CSMD1: variants seen among roughly 807,000 people sequenced by gnomAD.
CSMD1 encodes CUB and Sushi multiple domains 1, also known as CUB and sushi domain-containing protein 1.
A neutral mutation model predicts 417.5 loss-of-function variants in CSMD1; 213 were observed. The observed-to-expected ratio is 0.51, with a 90% CI of 0.46 to 0.57. The LOEUF (loss-of-function observed/expected upper bound fraction) is 0.57, where lower values mean the gene tolerates loss of function less well. CSMD1 is among the 20% of genes least tolerant of loss of function. CSMD1 has a pLI of 0.00. For synonymous variants in CSMD1, 2,862 were observed against 1,736.8 expected (o/e 1.65, Z -16.11); for missense variants, 6,923 against 4,529.7 (o/e 1.53, Z -15.17).
At chr8:4,883,577 C>A (rs546331525) in intron 1 of CSMD1, among the ~76,000 whole-genome samples, 64 of 152,158 alleles carry the variant, frequency 4.2e-4, no homozygotes, top group Middle Eastern at 3.4e-3. Context: ...ATAATAGAAT[C>A]ACATAATATT....
intron 2 of CSMD1, among the ~76,000 whole-genome samples, chr8:4,425,379 CAAAAA>C (rs3056571): frequency 1.6e-5 from 2 of 128,816 alleles, no homozygotes; most frequent in African/African-American, 2.8e-5. Flanking sequence ...ATTTGTGTGC[CAAAAA>C]AAAAAAAAAA....
At chr8:3,035,039 G>C (rs758316352) in intron 50 of CSMD1, among the ~76,000 whole-genome samples, 4 of 152,136 alleles carry the variant, frequency 2.6e-5, no homozygotes, top group Admixed American at 2.6e-4. Flanking sequence ...CCTCCCCTAA[G>C]ACTTAAGACA....
intron 26 of CSMD1, among the ~76,000 whole-genome samples, chr8:3,230,999 C>T (rs971390801): frequency 3.3e-5 from 5 of 152,084 alleles, no homozygotes; most frequent in African/African-American, 1.2e-4. Context: ...GTGTAAAGTG[C>T]ATTGCAAACG....
intron 5 of CSMD1, among the ~76,000 whole-genome samples, chr8:3,828,446 A>T (rs531019243): frequency 6.6e-6 from 1 of 152,290 alleles, no homozygotes; most frequent in African/African-American, 2.4e-5. Flanking sequence ...AAAAAGAATA[A>T]AATATATAAA....
intron 3 of CSMD1, among the ~76,000 whole-genome samples, chr8:4,056,973 G>A (rs918375188): frequency 9.9e-5 from 15 of 152,150 alleles, no homozygotes; most frequent in African/African-American, 3.6e-4. Flanking sequence ...CTTTGCTATT[G>A]TGAATACTGC....
intron 5 of CSMD1, among the ~76,000 whole-genome samples, chr8:3,993,949 C>T (rs554129272): frequency 4.9e-4 from 75 of 152,208 alleles, no homozygotes; most frequent in African/African-American, 1.7e-3. Context: ...GATGAAAACG[C>T]CCAGTAACAT....
intron 3 of CSMD1, among the ~76,000 whole-genome samples, chr8:4,110,606 C>T (rs1205367287): frequency 6.7e-6 from 1 of 148,994 alleles, no homozygotes; most frequent in African/African-American, 2.5e-5. Context: ...CCATTTTGTA[C>T]TTTCTCCCTA....
At position 4,354,113 on chromosome 8, in the gene CSMD1, C is replaced by T. The variant is rs542528622; in HGVS notation, c.415+65840G>A. Among the ~76,000 whole-genome samples, 296 of 152,214 alleles carry T rather than the reference C, an allele frequency of 1.9e-3. 2 individuals are homozygous for T. Among genetic ancestry groups the T allele is most frequent in the African/African-American group, 6.8e-3 (284 of 41,534 alleles). On this transcript the variant is annotated intron_variant, in intron 3 of 69. Coordinates refer to ENST00000635120, the MANE Select transcript of CSMD1 (RefSeq NM_033225.6). ...GCTTCCATATTCTCGTTAACTTGCC[C>T]AAGAACGCGCCTGAAAGTAAATTTT... is the stretch of plus-strand genomic sequence containing the variant.
At chr8:4,324,239 A>G (rs1504753) in intron 3 of CSMD1, among the ~76,000 whole-genome samples, 128,815 of 152,252 alleles carry the variant, frequency 0.85, 54,771 homozygotes, top group East Asian at 0.99. Flanking sequence ...AGATTTCCCT[A>G]CACCAAGAAT....
chr8:4,407,909 G>C (rs907478034), intron 3 of CSMD1, among the ~76,000 whole-genome samples: 1 of 152,138 alleles, frequency 6.6e-6, no homozygotes, highest in African/African-American at 2.4e-5. Flanking sequence ...CACATCCAAA[G>C]CTGAAACGTG....
chr8:2,974,306 T>A (rs1469805716), intron 56 of CSMD1, 145 bp downstream of exon 56: 3 of 703,764 alleles, frequency 4.3e-6, no homozygotes, highest in Non-Finnish European at 6.6e-6. Flanking sequence ...GAGCGGCGTA[T>A]TTGGCTAGAA....
In CSMD1 at chr8:4,302,057, G is replaced by C. The variant is rs374428030; in HGVS notation, c.415+117896C>G. 4.6e-5 allele frequency among the ~76,000 whole-genome samples: 7 copies of C among 152,026 alleles called. No homozygotes were observed. In the South Asian group the frequency reaches 1.0e-3, roughly 23 times the overall value. On this transcript the variant is annotated intron_variant, in intron 3 of 69. Transcript: ENST00000635120. ...TTTGAAATCCCTAATTTTTTCATTA[G>C]AATTTTCCACAAACTTTATGAAGAC... is the stretch of plus-strand genomic sequence containing the variant.
intron 68 of CSMD1, among the ~76,000 whole-genome samples, chr8:2,943,229 TC>T (rs1283948524): frequency 6.6e-6 from 1 of 150,798 alleles, no homozygotes; most frequent in Non-Finnish European, 1.5e-5. Context: ...AATTAATTTT[TC>T]TTTTTTTTTT....
intron 41 of CSMD1, among the ~76,000 whole-genome samples, chr8:3,121,849 C>A (rs1026408802): frequency 3.9e-5 from 6 of 151,908 alleles, no homozygotes; most frequent in African/African-American, 1.5e-4. Context: ...AGGAGTATTG[C>A]CTAATTAACA....
chr8:4,603,736 T>G (rs550042838), intron 2 of CSMD1, among the ~76,000 whole-genome samples: 4 of 152,276 alleles, frequency 2.6e-5, no homozygotes, highest in South Asian at 4.1e-4. Context: ...TGAAAAAATA[T>G]TGTTAGACAA....
intron 39 of CSMD1, among the ~76,000 whole-genome samples, chr8:3,152,152 C>T (rs1177384497): frequency 6.6e-6 from 1 of 152,194 alleles, no homozygotes; most frequent in Non-Finnish European, 1.5e-5. Flanking sequence ...ACTTTCTCCC[C>T]AGGAAATCTT....
At chr8:4,398,979 G>A (rs1052510786) in intron 3 of CSMD1, among the ~76,000 whole-genome samples, 1 of 152,152 alleles carries the variant, frequency 6.6e-6, no homozygotes, top group Admixed American at 6.5e-5. Flanking sequence ...CCAGGAAACA[G>A]TCAAAATTAT....
chr8:4,740,369 G>C (rs1810525047), intron 1 of CSMD1, among the ~76,000 whole-genome samples: 1 of 152,058 alleles, frequency 6.6e-6, no homozygotes, highest in South Asian at 2.1e-4. Context: ...ATTTATTGTA[G>C]AAATACAGTA....
At chr8:4,794,224 TCA>T (rs1246948961) in intron 1 of CSMD1, among the ~76,000 whole-genome samples, 1 of 133,688 alleles carries the variant, frequency 7.5e-6, no homozygotes, top group East Asian at 2.1e-4. Flanking sequence ...ATCATTTTTA[TCA>T]CACTTTTTGT....
Sources: allele counts gnomAD v4.1 joint callset (sites outside exome capture counted in the v4.1 genomes callset), GRCh38; gene constraint gnomAD v4.1.1; transcripts MANE v1.5; gene names NCBI Gene and HGNC (gene_info 2026-07-23, HGNC 2026-07-21).